THBS4: variants seen among roughly 807,000 people sequenced by gnomAD.
THBS4 encodes the protein thrombospondin-4.
A neutral mutation model predicts 115.7 loss-of-function variants in THBS4; 90 were observed. The ratio of observed to expected loss-of-function variants is 0.78; its 90% CI spans 0.66 to 0.93. The LOEUF is 0.93. Ranked by LOEUF, THBS4 falls within the 40% of genes least tolerant of loss-of-function variation. THBS4 has a pLI of 0.00. For missense variants in THBS4, 1,087 were observed against 1,232.7 expected (o/e 0.88, Z 1.77); for synonymous variants, 460 against 479.3 (o/e 0.96, Z 0.53).
At position 80,059,757 on chromosome 5, in the gene THBS4, C is replaced by G; in HGVS notation, c.839C>G (p.Pro280Arg). 1.9e-6 allele frequency: 3 copies of G among 1,614,238 alleles called. No homozygotes were observed. The highest frequency in any genetic ancestry group is 2.5e-6 in the Non-Finnish European group (3 of 1,180,042). ...AGCACGGTGGTGCCCCCGGCTCCCCCTGCACCGCCAACACGCCCACCTCGT... is the reference window on the plus strand; with the variant it reads ...AGCACGGTGGTGCCCCCGGCTCCCCGTGCACCGCCAACACGCCCACCTCGT... ...TPSTVVPPAPPAPPTRPPRRC... is the reference protein window; with the variant it reads ...TPSTVVPPAPRAPPTRPPRRC... The change falls in exon 7 of 22, where the codon CCT becomes CGT. Residue 280 changes from proline to arginine, a missense_variant. This residue lies in a region of THBS4 where 979 missense variants were observed against 1,103.7 expected (regional missense o/e 0.89). Transcript: ENST00000350881.
chr5:80,064,972 T>C (rs1459654722), intron 8 of THBS4, among the ~76,000 whole-genome samples: 1 of 151,602 alleles, frequency 6.6e-6, no homozygotes, highest in African/African-American at 2.4e-5. Flanking sequence ...CAAAAGAAGA[T>C]ATTAACAAGA....
In THBS4 at chr5:80,079,949, C is replaced by T; in HGVS notation, c.2556C>T (p.Ser852=). 6.2e-7 allele frequency: 1 copy of T among 1,614,094 alleles called. No homozygotes were observed. Among genetic ancestry groups the T allele is most frequent in the Non-Finnish European group, 8.5e-7 (1 of 1,180,016 alleles). ...KTGPGEHLRN[S]LWHTGDTSDQ... is the part of the protein sequence containing the mutation. ...GTCCAGGGGAGCATCTCCGGAACTCCCTGTGGCACACGGGGGACACCAGTG... is the reference window on the plus strand; with the variant it reads ...GTCCAGGGGAGCATCTCCGGAACTCTCTGTGGCACACGGGGGACACCAGTG... Residue 852 remains serine, a synonymous_variant, in exon 20 of 22, where the codon TCC becomes TCT. Coordinates refer to ENST00000350881, the MANE Select transcript of THBS4 (RefSeq NM_003248.6).
At chr5:80,013,820 T>G (rs180993425) in intron 2 of THBS4, among the ~76,000 whole-genome samples, 3 of 152,334 alleles carry the variant, frequency 2.0e-5, no homozygotes, top group East Asian at 1.9e-4. Flanking sequence ...TTAAATGATG[T>G]ATAATTCGTT....
At chr5:80,055,632 T>C (rs1256494238) in intron 2 of THBS4, among the ~76,000 whole-genome samples, 153 bp from the exon 3 acceptor site, 1 of 152,192 alleles carries the variant, frequency 6.6e-6, no homozygotes, top group Non-Finnish European at 1.5e-5. Flanking sequence ...TGAATCAATA[T>C]TTGTGGTTAT....
At chr5:80,008,453 C>T (rs2438617) in intron 2 of THBS4, among the ~76,000 whole-genome samples, 33,766 of 151,698 alleles carry the variant, frequency 0.22, 3,950 homozygotes, top group African/African-American at 0.29. Context: ...CTCACTCTGT[C>T]GCCCAGGCTG....
chr5:80,080,038 G>A lies in THBS4; in HGVS notation c.2645G>A (p.Arg882His), dbSNP rs201496114. 85 of 1,613,952 alleles carry A rather than the reference G, an allele frequency of 5.3e-5. No individual in the cohort carries two copies. The highest frequency in any genetic ancestry group is 3.3e-4 in the Middle Eastern group (2 of 6,084). The part of the protein sequence containing the change: ...NVGWKDKVSY[R>H]WFLQHRPQVG... ...GGCTGGAAGGACAAGGTGTCCTACC[G>A]CTGGTTCCTACAGCACAGGCCCCAG... The change falls in exon 20 of 22, where the codon CGC becomes CAC. Residue 882 changes from arginine (R) to histidine (H), a missense_variant. Around this residue, in one of 3 missense-constraint regions of THBS4, gnomAD observed 103 missense variants for 108.2 expected, o/e 0.95. Transcript: ENST00000350881.
chr5:80,010,868 T>C (rs1428287293), intron 2 of THBS4, among the ~76,000 whole-genome samples: 1 of 152,236 alleles, frequency 6.6e-6, no homozygotes, highest in Non-Finnish European at 1.5e-5. Context: ...ATGACTTTTC[T>C]TAGCTGAGGC....
Position 80,001,748 on chromosome 5 carries a change from T to C in THBS4, n.177+3321T>C, listed in dbSNP as rs142708262. Among the ~76,000 whole-genome samples, 18 of 152,304 alleles carry C rather than the reference T, an allele frequency of 1.2e-4. No homozygotes were observed. In the East Asian group the frequency reaches 3.5e-3, roughly 29 times the overall value. On this transcript the variant is annotated intron_variant and non_coding_transcript_variant, in intron 2 of 3. Transcript: ENST00000510218. Reference sequence around the variant, plus strand: ...TCAGGAGGGTAAAGTGAGCGGTAGATAATGATGAGAAATAAGACTGCAGGC... The same window carrying C: ...TCAGGAGGGTAAAGTGAGCGGTAGACAATGATGAGAAATAAGACTGCAGGC...
intron 2 of THBS4, among the ~76,000 whole-genome samples, chr5:80,016,923 T>C (rs1832263236): frequency 6.6e-6 from 1 of 152,238 alleles, no homozygotes; most frequent in African/African-American, 2.4e-5. Flanking sequence ...ATGTCAATCT[T>C]CTATTTGCTT....
At chr5:80,038,875 C>T (rs933096190) in intron 1 of THBS4, among the ~76,000 whole-genome samples, 15 of 152,182 alleles carry the variant, frequency 9.9e-5, no homozygotes, top group Non-Finnish European at 2.2e-4. Context: ...CACAGTGGTA[C>T]AGAGAGTGCC....
upstream of THBS4, among the ~76,000 whole-genome samples, chr5:80,033,996 T>G (rs1407284160): frequency 6.6e-6 from 1 of 152,180 alleles, no homozygotes; most frequent in East Asian, 1.9e-4. Flanking sequence ...GCAAGGCTGT[T>G]CTGCTTGAAG....
chr5:80,023,702 G>A (rs1383661905), intron 2 of THBS4, among the ~76,000 whole-genome samples: 2 of 152,112 alleles, frequency 1.3e-5, no homozygotes, highest in Non-Finnish European at 2.9e-5. Flanking sequence ...TTATGATTGT[G>A]GTGGCTGAAA....
upstream of THBS4, among the ~76,000 whole-genome samples, chr5:80,031,811 A>C (rs1446833719): frequency 3.3e-5 from 5 of 152,240 alleles, no homozygotes; most frequent in East Asian, 9.6e-4. Flanking sequence ...GTACACAGAA[A>C]AATAAAAGAT....
At chr5:80,033,933 T>C (rs17878697), upstream of THBS4, among the ~76,000 whole-genome samples, 450 of 152,312 alleles carry the variant, frequency 3.0e-3, no homozygotes, top group Non-Finnish European at 3.5e-3. Context: ...CATCCAAATA[T>C]TGTCTTCACA....
At position 80,078,013 on chromosome 5, in the gene THBS4, G is replaced by T; in HGVS notation, c.2087-36G>T. Reference sequence around the variant, plus strand: ...CCAAGGAGTGGCGGTGGGTGTGAGCGCTATTGAGCTCCTGTCCTTTCTCCA... The same window carrying T: ...CCAAGGAGTGGCGGTGGGTGTGAGCTCTATTGAGCTCCTGTCCTTTCTCCA... On this transcript the variant is annotated intron_variant, in intron 16 of 21. Transcript: ENST00000350881. 5 of 1,508,856 alleles carry T rather than the reference G, an allele frequency of 3.3e-6. No homozygotes were observed. In the South Asian group the frequency reaches 6.5e-5, roughly 20 times the overall value. 93.5% of individuals were successfully genotyped at this position (1,508,856 alleles called of 1,614,324 possible).
chr5:80,003,204 A>G (rs422690), intron 2 of THBS4, among the ~76,000 whole-genome samples: 92,721 of 151,940 alleles, frequency 0.61, 28,430 homozygotes, highest in South Asian at 0.66. Context: ...AGTAGTAGGA[A>G]CTAATGTTTC....
chr5:80,021,697 A>T (rs1225275327), intron 2 of THBS4, among the ~76,000 whole-genome samples: 2 of 152,002 alleles, frequency 1.3e-5, no homozygotes, highest in South Asian at 4.2e-4. Flanking sequence ...TGTTTTGTAT[A>T]TTTTGTAGAG....
In THBS4 at chr5:80,071,102, A is replaced by G. The variant is rs1490830736; in HGVS notation, c.1642A>G (p.Ser548Gly). Residue 548 changes from serine (S) to glycine (G), a missense_variant, in exon 13 of 22, where the codon AGT becomes GGT. Transcript: ENST00000350881. ...TGGGGATGCCTGTGATAACTGCCTG[A>G]GTGTCTTAAATAACGACCAGAAAGA... ...IFGDACDNCL[S>G]VLNNDQKDTD... is the part of the protein sequence containing the mutation. The G allele has an allele frequency of 6.2e-7, 1 of 1,611,328 alleles. No homozygotes were observed. The highest frequency in any genetic ancestry group is 1.7e-5 in the Admixed American group (1 of 59,006).
intron 2 of THBS4, among the ~76,000 whole-genome samples, chr5:80,045,934 A>AT (rs1833053173): frequency 6.6e-6 from 1 of 152,180 alleles, no homozygotes; most frequent in East Asian, 1.9e-4. Flanking sequence ...AATTAGCTTA[A>AT]TTTTAAAGTG....
Sources: allele counts gnomAD v4.1 joint callset (sites outside exome capture counted in the v4.1 genomes callset), GRCh38; gene constraint gnomAD v4.1.1; regional missense constraint gnomAD v4.1.1; transcripts MANE v1.5; gene names NCBI Gene and HGNC (gene_info 2026-07-23, HGNC 2026-07-21).